SLC30A10: variants seen among roughly 807,000 people sequenced by gnomAD.
SLC30A10 encodes solute carrier family 30 member 10, also known as calcium/manganese antiporter SLC30A10.
SLC30A10 carries 8 observed loss-of-function variants against 21.7 expected under a neutral mutation model. The ratio of observed to expected loss-of-function variants is 0.37; its 90% CI spans 0.22 to 0.67. SLC30A10 has a LOEUF of 0.67. Ranked by LOEUF, SLC30A10 falls within the 30% of genes least tolerant of loss-of-function variation. The probability of loss-of-function intolerance (pLI) is 0.58; values close to 1 mark genes in which losing one functional copy is unlikely to be tolerated. For synonymous variants in SLC30A10, 272 were observed against 279.4 expected, an observed-to-expected ratio of 0.97 and a Z score of 0.26; for missense variants, 521 against 642.5, an observed-to-expected ratio of 0.81 and a Z score of 2.04.
At chr1:219,939,963 T>A (rs1420517983) in intron 1 of SLC30A10, among the ~76,000 whole-genome samples, 2 of 152,170 alleles carry the variant, frequency 1.3e-5, no homozygotes, top group African/African-American at 4.8e-5. Context: ...CCGGGCAGAT[T>A]GTTTTTCTAA....
chr1:219,928,517 G>A lies in SLC30A10; in HGVS notation c.-77C>T, dbSNP rs1406787186. On this transcript the variant is annotated 5_prime_UTR_variant, in exon 1 of 4. Coordinates refer to ENST00000366926, the MANE Select transcript of SLC30A10 (RefSeq NM_018713.3). The surrounding 1 kb of genome is among the most constrained non-coding windows in gnomAD (Gnocchi z 6.3). ...CCGCGCGCAGCCACAGGTGGGGGGC[G>A]CGGCGCGGATCCGTGAGGCCCGGTA... is the stretch of plus-strand genomic sequence containing the variant. 7.4e-6 allele frequency: 10 copies of A among 1,358,960 alleles called. No individual in the cohort carries two copies. Among genetic ancestry groups the A allele is most frequent in the East Asian group, 5.6e-5 (2 of 35,482 alleles). The allele number at this position is 1,358,960 out of a possible 1,614,324, so 84.2% of individuals were successfully genotyped here.
At chr1:219,939,604 AT>A (rs1405166275) in intron 1 of SLC30A10, among the ~76,000 whole-genome samples, 1 of 151,836 alleles carries the variant, frequency 6.6e-6, no homozygotes, top group Admixed American at 6.6e-5. Context: ...TGATTTTTGT[AT>A]TTTTAGTAGA....
upstream of SLC30A10, among the ~76,000 whole-genome samples, chr1:219,932,654 G>GT (rs1484139613): frequency 7.8e-6 from 1 of 128,996 alleles, no homozygotes; most frequent in African/African-American, 2.8e-5. Context: ...GGGCCTCCAA[G>GT]TTTTTTTAGA....
chr1:219,957,084 A>C (rs1023692288), intron 1 of SLC30A10, among the ~76,000 whole-genome samples: 2 of 152,192 alleles, frequency 1.3e-5, no homozygotes, highest in Admixed American at 1.3e-4. Context: ...ATGATCTGGA[A>C]GCTCTAGTAG....
At chr1:219,932,247 G>A (rs1334209148), upstream of SLC30A10, among the ~76,000 whole-genome samples, 3 of 151,826 alleles carry the variant, frequency 2.0e-5, no homozygotes, top group African/African-American at 7.3e-5. Context: ...TATTTTTAGT[G>A]GAGATGGGGC....
At chr1:219,955,377 G>A (rs1191853429) in intron 1 of SLC30A10, among the ~76,000 whole-genome samples, 2 of 152,002 alleles carry the variant, frequency 1.3e-5, no homozygotes, top group South Asian at 2.1e-4. Context: ...TAGAGTCAGG[G>A]GTGACCTCCC....
intron 1 of SLC30A10, among the ~76,000 whole-genome samples, chr1:219,940,102 G>A (rs1246487794): frequency 1.3e-5 from 2 of 152,164 alleles, no homozygotes; most frequent in Non-Finnish European, 2.9e-5. Flanking sequence ...CTTGTCACTT[G>A]CTTGCAATCC....
At chr1:219,936,287 A>G (rs1193984194) in intron 1 of SLC30A10, among the ~76,000 whole-genome samples, 1 of 152,222 alleles carries the variant, frequency 6.6e-6, no homozygotes, top group Non-Finnish European at 1.5e-5. Flanking sequence ...GAAGGTACAA[A>G]TATATAGAAA....
rs1287435965 is a variant in SLC30A10 at position 219,918,930 on chromosome 1, A to G, written c.719-436T>C. 3 of 155,002 alleles carry G rather than the reference A, an allele frequency of 1.9e-5. No homozygotes were observed. Among genetic ancestry groups the G allele is most frequent in the African/African-American group, 7.2e-5 (3 of 41,596 alleles). 9.6% of individuals were successfully genotyped at this position (155,002 alleles called of 1,614,324 possible). ...GTTGTATTAAGAGTGTTTAAAACAAATTGTCTTTTTTCTACCTTGATCCAC... is the reference window on the plus strand; with the variant it reads ...GTTGTATTAAGAGTGTTTAAAACAAGTTGTCTTTTTTCTACCTTGATCCAC... On this transcript the variant is annotated intron_variant, in intron 2 of 3. Coordinates refer to ENST00000366926, the MANE Select transcript of SLC30A10 (RefSeq NM_018713.3). This position sits in a 1 kb window ranked among gnomAD's most constrained non-coding sequence, Gnocchi z 4.4.
chr1:219,927,682 A>ACAAC lies in SLC30A10; in HGVS notation c.640+118_640+119insGTTG, dbSNP rs1475436292. The stretch of plus-strand genomic sequence containing the variant: ...AAAAAAAAAAAACAACAACAACAAA[A>ACAAC]AAAAAAAAACAGAAAAAAAGCATGC... On this transcript the variant is annotated intron_variant, in intron 1 of 3. Coordinates refer to ENST00000366926, the MANE Select transcript of SLC30A10 (RefSeq NM_018713.3). 2,438 of 471,056 alleles carry ACAAC rather than the reference A, an allele frequency of 5.2e-3. 143 individuals carry two copies. Among genetic ancestry groups the ACAAC allele is most frequent in the Non-Finnish European group, 6.1e-3 (2,034 of 336,114 alleles). The allele number at this position is 471,056 out of a possible 1,614,324, so 29.2% of individuals were successfully genotyped here. A position where few individuals can be genotyped will look rare whatever the true frequency, so the allele number is the denominator to read the frequency against.
chr1:219,930,771 C>G (rs1478559487), upstream of SLC30A10, among the ~76,000 whole-genome samples: 1 of 152,116 alleles, frequency 6.6e-6, no homozygotes, highest in Non-Finnish European at 1.5e-5. Context: ...AAGATATAGA[C>G]TACGGTATTT....
At chr1:219,919,019 T>C (rs1659613943) in intron 2 of SLC30A10, 1 of 152,304 alleles carries the variant, frequency 6.6e-6, no homozygotes, top group Admixed American at 6.5e-5. Context: ...TAAATGGCAT[T>C]TGGTTTAAGA....
chr1:219,924,036 G>A (rs1255004845), intron 2 of SLC30A10, among the ~76,000 whole-genome samples: 1 of 152,186 alleles, frequency 6.6e-6, no homozygotes, highest in East Asian at 1.9e-4. Context: ...ACTCCAGCCT[G>A]GGCTACAGAG....
At chr1:219,917,646 A>AAAGTAAGTAGC (rs1229071625) in intron 3 of SLC30A10, among the ~76,000 whole-genome samples, 3 of 151,734 alleles carry the variant, frequency 2.0e-5, no homozygotes, top group Non-Finnish European at 2.9e-5. Context: ...CTTTGACATG[A>AAAGTAAGTAGC]AAGTAAGTAG....
At chr1:219,954,923 G>A (rs1361177545) in intron 1 of SLC30A10, among the ~76,000 whole-genome samples, 1 of 152,032 alleles carries the variant, frequency 6.6e-6, no homozygotes, top group Non-Finnish European at 1.5e-5. Flanking sequence ...GTACAGCAAG[G>A]TTATTCGTAC....
chr1:219,928,417 C>G lies in SLC30A10; in HGVS notation c.24G>C (p.Thr8=), dbSNP rs752376763. 6.2e-7 allele frequency: 1 copy of G among 1,612,338 alleles called. No individual in the cohort carries two copies. The highest frequency in any genetic ancestry group is 1.3e-5 in the African/African-American group (1 of 74,844). The change falls in exon 1 of 4, where the codon ACG becomes ACC. Residue 8 remains threonine (T), a synonymous_variant. Coordinates refer to ENST00000366926, the MANE Select transcript of SLC30A10 (RefSeq NM_018713.3). This position sits in a 1 kb window ranked among gnomAD's most constrained non-coding sequence, Gnocchi z 6.3. ...GCACCAGCATGAAGAGCAGCCGGCA[C>G]GTCTTGCCAGAGTAGCGGCCCATCT... MGRYSGK[T]CRLLFMLVLT...
chr1:219,922,176 GTTTTTT>G (rs869249213), intron 2 of SLC30A10, among the ~76,000 whole-genome samples: 33 of 36,448 alleles, frequency 9.1e-4, no homozygotes, highest in Admixed American at 2.9e-3. Context: ...GTGTGTGTGT[GTTTTTT>G]TTTTTTTTTT....
chr1:219,921,955 G>C (rs904946872), intron 2 of SLC30A10, among the ~76,000 whole-genome samples: 1 of 150,718 alleles, frequency 6.6e-6, no homozygotes, highest in Admixed American at 6.6e-5. Flanking sequence ...CCGAGAGAGA[G>C]AGACAGAGAG....
intron 1 of SLC30A10, among the ~76,000 whole-genome samples, chr1:219,950,739 C>T (rs1435110292): frequency 6.6e-6 from 1 of 150,928 alleles, no homozygotes; most frequent in Non-Finnish European, 1.5e-5. Context: ...CACCTGAGGT[C>T]AGGAGTTTGA....
Sources: allele counts gnomAD v4.1 joint callset (sites outside exome capture counted in the v4.1 genomes callset), GRCh38; gene constraint gnomAD v4.1.1; non-coding constraint Gnocchi (gnomAD v3.1); transcripts MANE v1.5; gene names NCBI Gene and HGNC (gene_info 2026-07-23, HGNC 2026-07-21).